The following SCN4A variants were observed in gnomAD, a reference collection of about 807,000 sequenced individuals.
SCN4A encodes the protein sodium channel protein type 4 subunit alpha.
Under a neutral mutation model 162.0 loss-of-function variants are expected in SCN4A, and 83 were observed. The observed-to-expected ratio is 0.51, with a 90% confidence interval of 0.43 to 0.61. SCN4A has a LOEUF of 0.61. Among genes scored for constraint, SCN4A ranks in the 20% least tolerant of loss-of-function variants. SCN4A has a pLI of 0.00. For synonymous variants in SCN4A, 944 were observed against 985.1 expected, an observed-to-expected ratio of 0.96 and a Z score of 0.78; for missense variants, 2,196 against 2,462.5, an observed-to-expected ratio of 0.89 and a Z score of 2.29.
At chr17:63,952,402 C>T (rs865968986) in intron 13 of SCN4A, among the ~76,000 whole-genome samples, 7 of 151,996 alleles carry the variant, frequency 4.6e-5, no homozygotes, top group Non-Finnish European at 7.4e-5. Context: ...TCAAGTGATC[C>T]GCCTGCCTCG....
intron 16 of SCN4A, 53 bp downstream of exon 16, chr17:63,948,558 C>A: frequency 6.5e-7 from 1 of 1,540,462 alleles, no homozygotes. Context: ...CCCAAGAGGA[C>A]CTGCTGTGGG....
Position 63,953,220 on chromosome 17 carries a change from C to T in SCN4A, c.2377-1320G>A, listed in dbSNP as rs375637415. Among the ~76,000 whole-genome samples the T allele has an allele frequency of 4.6e-5, 7 of 152,034 alleles. No homozygotes were observed. The East Asian group carries it at 5.8e-4, about 13-fold the overall frequency. On this transcript the variant is annotated intron_variant, in intron 13 of 23. Transcript: ENST00000435607. The stretch of plus-strand genomic sequence containing the variant: ...CTAAAAATACAAAAAGTTAGCTGGG[C>T]GTGGTGGCATGCGCCTGTAGTCCTA...
At chr17:63,969,599 G>A (rs901561067) in intron 5 of SCN4A, among the ~76,000 whole-genome samples, 2 of 152,162 alleles carry the variant, frequency 1.3e-5, no homozygotes, top group African/African-American at 4.8e-5. Flanking sequence ...GAGGGCTTTA[G>A]ACTAGAAGAT....
In SCN4A at chr17:63,941,664, C is replaced by T. The variant is rs745467587; in HGVS notation, c.4618G>A (p.Gly1540Arg). The change falls in exon 24 of 24, where the codon GGG (glycine) becomes AGG (arginine). Residue 1540 changes from glycine to arginine, a missense_variant. Gly to Arg is a moderately radical substitution (Grantham distance 125). Transcript: ENST00000435607. This position sits in a 1 kb window ranked among gnomAD's most constrained non-coding sequence, Gnocchi z 6.2. The part of the protein sequence containing the change: ...FEITTSAGWD[G>R]LLNPILNSGP... ...CTGTTGAGGATGGGGTTGAGGAGCC[C>T]GTCCCAGCCGGCCGACGTGGTGATC... 6.8e-6 allele frequency: 11 copies of T among 1,613,916 alleles called. No individual in the cohort carries two copies. The highest frequency in any genetic ancestry group is 1.3e-5 in the African/African-American group (1 of 74,864).
intron 18 of SCN4A, 40 bp downstream of exon 18, chr17:63,947,005 C>G (rs768151879): frequency 1.4e-6 from 2 of 1,434,730 alleles, no homozygotes; most frequent in Middle Eastern, 1.9e-4. Context: ...TGGCCGGTCC[C>G]CCATCCCCAG....
At position 63,945,069 on chromosome 17, in the gene SCN4A, G is replaced by A. The variant is rs776556307; in HGVS notation, c.3721-9C>T. Reference sequence around the variant, plus strand: ...CAACCCTTGAAGGTGGCCTGAGAGAGTGTGGTTGGGGAGTGAGCCGGGGGG... The same window carrying A: ...CAACCCTTGAAGGTGGCCTGAGAGAATGTGGTTGGGGAGTGAGCCGGGGGG... On this transcript the variant is annotated splice_polypyrimidine_tract_variant and intron_variant, in intron 19 of 23. Coordinates refer to ENST00000435607, the MANE Select transcript of SCN4A (RefSeq NM_000334.4). The surrounding 1 kb of genome is among the most constrained non-coding windows in gnomAD (Gnocchi z 4.4). The A allele has an allele frequency of 1.2e-6, 2 of 1,613,370 alleles. No homozygotes were observed. The highest frequency in any genetic ancestry group is 1.7e-6 in the Non-Finnish European group (2 of 1,179,604).
At chr17:63,952,328 C>A (rs1437216753) in intron 13 of SCN4A, among the ~76,000 whole-genome samples, 1 of 151,898 alleles carries the variant, frequency 6.6e-6, no homozygotes, top group African/African-American at 2.4e-5. Flanking sequence ...CCCAGCTAAT[C>A]TTTGTATTTT....
intron 12 of SCN4A, among the ~76,000 whole-genome samples, chr17:63,958,894 G>C (rs1317247627): frequency 1.3e-5 from 2 of 152,188 alleles, no homozygotes; most frequent in Non-Finnish European, 2.9e-5. Flanking sequence ...TTATGGGGTG[G>C]TGAAAAGACA....
rs73992418 is a variant in SCN4A, at chr17:63,948,227, G to A, written c.3145-164C>T. Among the ~76,000 whole-genome samples, 4,522 of 152,184 alleles carry A rather than the reference G, an allele frequency of 0.03. 228 individuals carry two copies. Among genetic ancestry groups the A allele is most frequent in the African/African-American group, 0.1 (4,280 of 41,504 alleles). The stretch of plus-strand genomic sequence containing the variant: ...CCTGGACTCCCACCACCCATCATGG[G>A]GATGAGAGCGTTTCCCAGTGGGGAG... On this transcript the variant is annotated intron_variant, in intron 16 of 23. Transcript: ENST00000435607.
chr17:63,966,308 A>AC (rs1909443829), intron 7 of SCN4A, 65 bp from the exon 8 acceptor site: 11 of 1,524,350 alleles, frequency 7.2e-6, no homozygotes, highest in Non-Finnish European at 9.9e-6. Flanking sequence ...GCAGATAGGG[A>AC]CCCCAAGGGA....
At chr17:63,954,514 G>GC (rs1388407239) in intron 13 of SCN4A, among the ~76,000 whole-genome samples, 2 of 152,146 alleles carry the variant, frequency 1.3e-5, no homozygotes, top group African/African-American at 2.4e-5. Flanking sequence ...AGGGGAGGGG[G>GC]CCGACATCAA....
In SCN4A at chr17:63,971,154, C is replaced by T. The variant is rs1318349189; in HGVS notation, c.703+8G>A. ...CTCAGGCAGAGGGTCCCTGCACCTC[C>T]CCAGTACCTGGGATGACCGTGATGG... On this transcript the variant is annotated splice_region_variant and intron_variant, in intron 5 of 23. Transcript: ENST00000435607. 1 of 1,549,344 alleles carries T rather than the reference C, an allele frequency of 6.5e-7. No individual in the cohort carries two copies. The highest frequency in any genetic ancestry group is 8.7e-7 in the Non-Finnish European group (1 of 1,143,514).
At chr17:63,969,704 T>C (rs1450082361) in intron 5 of SCN4A, among the ~76,000 whole-genome samples, 1 of 152,024 alleles carries the variant, frequency 6.6e-6, no homozygotes, top group Non-Finnish European at 1.5e-5. Context: ...AGTGCAGTGG[T>C]GTGATCTCGG....
chr17:63,942,258 G>GGT lies in SCN4A; in HGVS notation c.4289-267_4289-266dup, dbSNP rs58036769. 0.072 allele frequency among the ~76,000 whole-genome samples: 9,924 copies of GGT among 138,490 alleles called. 344 individuals are homozygous for GGT. Among genetic ancestry groups the GGT allele is most frequent in the African/African-American group, 0.11 (3,436 of 32,012 alleles). 90.9% of individuals were successfully genotyped at this position (138,490 alleles called of 152,430 possible). On this transcript the variant is annotated intron_variant, in intron 23 of 23. Transcript: ENST00000435607. ...CCCAAGGCTGTTTGCAAATGCCACTGGTGTGTGTGTGTGTGTGTGTGTGTG... is the reference window on the plus strand; with the variant it reads ...CCCAAGGCTGTTTGCAAATGCCACTGGTGTGTGTGTGTGTGTGTGTGTGTGTG...
rs191547933 is a variant in SCN4A, at chr17:63,971,855, G to T, written c.483-5C>A. 8.6e-4 allele frequency: 1,316 copies of T among 1,525,780 alleles called. 1 individual carries two copies. Among genetic ancestry groups the T allele is most frequent in the Non-Finnish European group, 8.6e-4 (981 of 1,134,122 alleles). The allele number at this position is 1,525,780 out of a possible 1,614,324, so 94.5% of individuals were successfully genotyped here. Reference sequence around the variant, plus strand: ...TAGATCCCTGTGAAGGTGTACCTGGGGGGGAGAGGGCCGGCCGGGACAGGC... The same window carrying T: ...TAGATCCCTGTGAAGGTGTACCTGGTGGGGAGAGGGCCGGCCGGGACAGGC... On this transcript the variant is annotated splice_polypyrimidine_tract_variant and splice_region_variant and intron_variant, in intron 3 of 23. Coordinates refer to ENST00000435607, the MANE Select transcript of SCN4A (RefSeq NM_000334.4).
intron 13 of SCN4A, among the ~76,000 whole-genome samples, chr17:63,952,529 A>G (rs1480346393): frequency 6.6e-6 from 1 of 152,188 alleles, no homozygotes; most frequent in Non-Finnish European, 1.5e-5. Flanking sequence ...CCGAGCTTCC[A>G]GGACTTACTG....
chr17:63,968,468 C>T (rs1376430870), intron 5 of SCN4A, 113 bp from the exon 6 acceptor site: 1 of 765,794 alleles, frequency 1.3e-6, no homozygotes, highest in Non-Finnish European at 2.1e-6. Context: ...GCTTGACTTA[C>T]TGAGCACCAC....
chr17:63,946,671 G>A (rs958520625), intron 18 of SCN4A, among the ~76,000 whole-genome samples: 3 of 152,126 alleles, frequency 2.0e-5, no homozygotes, highest in Admixed American at 6.5e-5. Context: ...TGAGGCTGGG[G>A]AGGGCCACCC....
chr17:63,963,402 G>C (rs1054403641), intron 10 of SCN4A, among the ~76,000 whole-genome samples: 4 of 152,232 alleles, frequency 2.6e-5, no homozygotes. Flanking sequence ...TGGCCTTGCA[G>C]CTAGAACTGG....
Sources: gnomAD v4.1 joint callset for allele counts (sites outside exome capture counted in the v4.1 genomes callset) on GRCh38, gnomAD v4.1.1 for gene constraint, Gnocchi (gnomAD v3.1) non-coding constraint, MANE v1.5 for transcripts, NCBI Gene and HGNC (gene_info 2026-07-23, HGNC 2026-07-21) for gene names.